Variants in DNAH11 observed in about 807,000 individuals in gnomAD.
The protein encoded by DNAH11 is dynein axonemal heavy chain 11.
In DNAH11, 442 loss-of-function variants were observed where a neutral mutation model predicts 526.0. The observed-to-expected ratio is 0.84, with a 90% CI of 0.78 to 0.91. The LOEUF (loss-of-function observed/expected upper bound fraction) is 0.91, where lower values mean the gene tolerates loss of function less well. Ranked by LOEUF, DNAH11 falls within the 40% of genes least tolerant of loss-of-function variation. The pLI is 0.00. For missense variants in DNAH11, 6,989 were observed against 5,448.7 expected, an observed-to-expected ratio of 1.28 and a Z score of -8.90; for synonymous variants, 2,461 against 1,935.9, an observed-to-expected ratio of 1.27 and a Z score of -7.12.
At chr7:21,678,365 G>C (rs750408413) in intron 30 of DNAH11, among the ~76,000 whole-genome samples, 1 of 151,918 alleles carries the variant, frequency 6.6e-6, no homozygotes, top group African/African-American at 2.4e-5. Flanking sequence ...CTGAAAATCA[G>C]TTGAAAAATT....
chr7:21,678,926 C>T (rs951883438), intron 30 of DNAH11, among the ~76,000 whole-genome samples: 2 of 152,116 alleles, frequency 1.3e-5, no homozygotes, highest in African/African-American at 4.8e-5. Flanking sequence ...GATATGTGCA[C>T]TCCCGTGTTC....
intron 6 of DNAH11, among the ~76,000 whole-genome samples, chr7:21,564,645 T>A (rs919756861): frequency 2.6e-5 from 4 of 152,194 alleles, no homozygotes; most frequent in African/African-American, 9.6e-5. Flanking sequence ...GTACCTTTCT[T>A]CAAAAGGCTT....
At chr7:21,783,811 C>T (rs550222314) in intron 57 of DNAH11, among the ~76,000 whole-genome samples, 4 of 152,208 alleles carry the variant, frequency 2.6e-5, no homozygotes, top group African/African-American at 4.8e-5. Context: ...GTTCCAATAC[C>T]GAAGGCAGAT....
chr7:21,687,573 G>A, intron 34 of DNAH11, 46 bp downstream of exon 34: 2 of 1,586,566 alleles, frequency 1.3e-6, no homozygotes, highest in South Asian at 2.3e-5. Context: ...GAAAAACATG[G>A]AATAATGCAG....
rs976690309 is a variant in DNAH11 at position 21,588,141 on chromosome 7, G to A, written c.1788G>A (p.Val596=). Residue 596 remains valine (V), a synonymous_variant, in exon 10 of 82, where the codon GTG becomes GTA. Coordinates refer to ENST00000409508, the MANE Select transcript of DNAH11 (RefSeq NM_001277115.2). ...EIFSLHYSTL[V]HMFNTELDVC... ...TCAGCCTACATTACAGCACACTAGTGCATATGTTTAATACAGAGCTGGATG... is the reference window on the plus strand; with the variant it reads ...TCAGCCTACATTACAGCACACTAGTACATATGTTTAATACAGAGCTGGATG... 1.9e-5 allele frequency: 31 copies of A among 1,613,220 alleles called. No individual in the cohort carries two copies. Among genetic ancestry groups the A allele is most frequent in the African/African-American group, 2.7e-5 (2 of 74,898 alleles).
chr7:21,727,781 C>A (rs1419341272), intron 45 of DNAH11, among the ~76,000 whole-genome samples: 1 of 152,156 alleles, frequency 6.6e-6, no homozygotes, highest in Non-Finnish European at 1.5e-5. Flanking sequence ...GCTGCCATAA[C>A]AAAAGACCAA....
chr7:21,659,122 G>A (rs1179203069), intron 30 of DNAH11, 91 bp downstream of exon 30: 3 of 1,102,462 alleles, frequency 2.7e-6, no homozygotes, highest in Non-Finnish European at 3.8e-6. Context: ...TTTACCGAGT[G>A]TCATCTGTGT....
chr7:21,879,466 C>CA lies in DNAH11; in HGVS notation c.12196-1226dup, dbSNP rs942342745. 2.5e-3 allele frequency among the ~76,000 whole-genome samples: 372 copies of CA among 146,478 alleles called. 2 individuals carry two copies. Among genetic ancestry groups the CA allele is most frequent in the African/African-American group, 8.1e-3 (325 of 39,994 alleles). On this transcript the variant is annotated intron_variant, in intron 74 of 81. Transcript: ENST00000409508. Reference sequence around the variant, plus strand: ...CTCAAAAAAACAAAAAACAAATAAACAAAAAAAAAACCTCACAGGTCTAGA... The same window carrying CA: ...CTCAAAAAAACAAAAAACAAATAAACAAAAAAAAAAACCTCACAGGTCTAGA...
chr7:21,570,879 A>G (rs1275858397), intron 7 of DNAH11, among the ~76,000 whole-genome samples: 1 of 114,970 alleles, frequency 8.7e-6, no homozygotes, highest in Admixed American at 8.1e-5. Context: ...CTATTGGCTT[A>G]GTTTAAAAAA....
intron 32 of DNAH11, among the ~76,000 whole-genome samples, chr7:21,685,246 C>G (rs1583592621): frequency 6.6e-6 from 1 of 152,108 alleles, no homozygotes; most frequent in Non-Finnish European, 1.5e-5. Context: ...ATAGTCAAAA[C>G]TGCAAATGTG....
At chr7:21,812,746 A>G (rs1460210660) in intron 63 of DNAH11, among the ~76,000 whole-genome samples, 1 of 152,192 alleles carries the variant, frequency 6.6e-6, no homozygotes, top group East Asian at 1.9e-4. Context: ...AGACTCTAGA[A>G]CAATGGCTCT....
intron 56 of DNAH11, among the ~76,000 whole-genome samples, chr7:21,777,399 T>C (rs1196384775): frequency 7.3e-6 from 1 of 137,854 alleles, no homozygotes; most frequent in Non-Finnish European, 1.5e-5. Context: ...CGTGTACAGG[T>C]TTTTTTTTTT....
intron 62 of DNAH11, 36 bp from the exon 63 acceptor site, chr7:21,807,847 T>C (rs372928469): frequency 1.3e-6 from 2 of 1,567,862 alleles, no homozygotes; most frequent in Non-Finnish European, 1.7e-6. Context: ...ACATTCAGCC[T>C]GCAATTACAG....
chr7:21,576,973 A>G (rs868245023), intron 8 of DNAH11, among the ~76,000 whole-genome samples: 10 of 152,196 alleles, frequency 6.6e-5, no homozygotes, highest in Non-Finnish European at 8.8e-5. Flanking sequence ...ACTGGCCATT[A>G]TATATAAAAC....
intron 46 of DNAH11, among the ~76,000 whole-genome samples, chr7:21,738,212 C>T (rs777692123): frequency 2.0e-5 from 3 of 152,120 alleles, no homozygotes; most frequent in Non-Finnish European, 2.9e-5. Flanking sequence ...TAGTGACTAC[C>T]TTGTGGATAG....
intron 30 of DNAH11, among the ~76,000 whole-genome samples, chr7:21,674,694 T>C (rs576534455): frequency 6.6e-6 from 1 of 152,214 alleles, no homozygotes; most frequent in Non-Finnish European, 1.5e-5. Context: ...TCATCCACTT[T>C]TATGGCTGCT....
At chr7:21,828,201 G>A (rs967673276) in intron 65 of DNAH11, among the ~76,000 whole-genome samples, 18 of 152,182 alleles carry the variant, frequency 1.2e-4, no homozygotes, top group Admixed American at 2.6e-4. Flanking sequence ...CACCCTCCTC[G>A]GTCTCCCAAA....
Position 21,901,201 on chromosome 7 carries a change from GAGAA to G in DNAH11, c.13499_13502del (p.Glu4500GlyfsTer14). 1 of 1,613,918 alleles carries G rather than the reference GAGAA, an allele frequency of 6.2e-7. No individual in the cohort carries two copies. Among genetic ancestry groups the G allele is most frequent in the Non-Finnish European group, 8.5e-7 (1 of 1,179,832 alleles). ...CTGGACCTTCAGGCTGAAGAGCGAA[GAGAA>G]GACTGCAAAATGGGTTCTGGCTGGA... On this transcript the variant is annotated frameshift_variant, in exon 82 of 82. Transcript: ENST00000409508. LOFTEE classifies it high-confidence loss of function.
intron 74 of DNAH11, among the ~76,000 whole-genome samples, chr7:21,877,660 G>C (rs1366749196): frequency 3.9e-5 from 6 of 151,944 alleles, no homozygotes; most frequent in East Asian, 1.9e-4. Flanking sequence ...CGGATCACGA[G>C]GTCAGGAGAT....
Sources: allele counts gnomAD v4.1 joint callset (sites outside exome capture counted in the v4.1 genomes callset), GRCh38; gene constraint gnomAD v4.1.1; transcripts MANE v1.5; gene names NCBI Gene and HGNC (gene_info 2026-07-23, HGNC 2026-07-21).